The following ADAMTSL3 variants were observed in gnomAD, a reference collection of about 807,000 sequenced individuals.
ADAMTSL3 encodes the protein ADAMTS-like protein 3.
In ADAMTSL3, 128 loss-of-function variants were observed where a neutral mutation model predicts 201.7. That is an observed-to-expected ratio of 0.63 (90% CI 0.55 to 0.73). ADAMTSL3 has a LOEUF of 0.73. Among genes scored for constraint, ADAMTSL3 ranks in the 30% least tolerant of loss-of-function variants. The pLI, the probability that ADAMTSL3 is intolerant of heterozygous loss-of-function variation, is 0.00. For synonymous variants in ADAMTSL3, 738 were observed against 748.4 expected, an observed-to-expected ratio of 0.99 and a Z score of 0.23; for missense variants, 1,990 against 2,119.6, an observed-to-expected ratio of 0.94 and a Z score of 1.20.
chr15:83,976,906 C>T (rs1401613851), intron 20 of ADAMTSL3, among the ~76,000 whole-genome samples: 3 of 152,000 alleles, frequency 2.0e-5, no homozygotes, highest in Non-Finnish European at 2.9e-5. Flanking sequence ...GAAGTTGACG[C>T]CATTAACTTG....
intron 6 of ADAMTSL3, among the ~76,000 whole-genome samples, chr15:83,824,201 G>A (rs572306396): frequency 2.9e-4 from 44 of 151,772 alleles, no homozygotes; most frequent in East Asian, 3.9e-4. Flanking sequence ...GTGCCATCAC[G>A]CTCAGCCAGT....
At chr15:84,000,085 A>G (rs2067765679) in intron 23 of ADAMTSL3, among the ~76,000 whole-genome samples, 1 of 151,430 alleles carries the variant, frequency 6.6e-6, no homozygotes. Flanking sequence ...CTATCTCTCC[A>G]GAAAAATGTA....
At chr15:83,911,372 A>G (rs990215817) in intron 15 of ADAMTSL3, among the ~76,000 whole-genome samples, 2 of 152,236 alleles carry the variant, frequency 1.3e-5, no homozygotes, top group African/African-American at 4.8e-5. Flanking sequence ...TATTTATTTC[A>G]TTTAACAGTC....
intron 5 of ADAMTSL3, among the ~76,000 whole-genome samples, chr15:83,816,595 CAA>C (rs2063775724): frequency 6.6e-6 from 1 of 152,142 alleles, no homozygotes; most frequent in Admixed American, 6.5e-5. Context: ...TGGTTGGTTT[CAA>C]AGAGTGAGAT....
intron 2 of ADAMTSL3, among the ~76,000 whole-genome samples, chr15:83,688,165 G>A (rs183735428): frequency 6.6e-6 from 1 of 152,318 alleles, no homozygotes; most frequent in Admixed American, 6.5e-5. Flanking sequence ...CTCAAAGGGT[G>A]CACTCTCTGG....
intron 2 of ADAMTSL3, among the ~76,000 whole-genome samples, chr15:83,660,375 G>T (rs2061146129): frequency 6.6e-6 from 1 of 152,072 alleles, no homozygotes; most frequent in African/African-American, 2.4e-5. Context: ...GGTAGTCCTG[G>T]GTCAGGGTTC....
intron 2 of ADAMTSL3, among the ~76,000 whole-genome samples, chr15:83,671,265 C>G (rs1388722557): frequency 6.6e-6 from 1 of 152,134 alleles, no homozygotes; most frequent in Non-Finnish European, 1.5e-5. Context: ...TTGGAAAGAA[C>G]TTGCCAATAA....
chr15:83,972,970 A>G (rs1053874846), intron 20 of ADAMTSL3, among the ~76,000 whole-genome samples: 1 of 152,144 alleles, frequency 6.6e-6, no homozygotes, highest in Admixed American at 6.5e-5. Context: ...CTTAGCACGT[A>G]GATTGCCCCG....
intron 19 of ADAMTSL3, among the ~76,000 whole-genome samples, chr15:83,951,004 T>C (rs1404147619): frequency 3.7e-5 from 5 of 135,412 alleles, no homozygotes; most frequent in African/African-American, 1.5e-4. Flanking sequence ...TTTTCTTTTC[T>C]TTTTTTTTTT....
chr15:83,873,479 A>T (rs2065119235), intron 9 of ADAMTSL3, among the ~76,000 whole-genome samples: 1 of 144,494 alleles, frequency 6.9e-6, no homozygotes, highest in Non-Finnish European at 1.5e-5. Flanking sequence ...ACAGGCTGCA[A>T]GTAATCCTCT....
intron 2 of ADAMTSL3, among the ~76,000 whole-genome samples, chr15:83,668,974 G>A (rs950833170): frequency 2.6e-5 from 4 of 152,064 alleles, no homozygotes; most frequent in African/African-American, 9.7e-5. Flanking sequence ...ACATCCCACT[G>A]GCCAAAGCAG....
At chr15:83,780,823 G>T (rs949568265) in intron 4 of ADAMTSL3, among the ~76,000 whole-genome samples, 1 of 152,102 alleles carries the variant, frequency 6.6e-6, no homozygotes, top group African/African-American at 2.4e-5. Flanking sequence ...AGTCAAGCCA[G>T]GAGCCAAATC....
chr15:83,662,650 A>C (rs936047348), intron 2 of ADAMTSL3, among the ~76,000 whole-genome samples: 9 of 152,162 alleles, frequency 5.9e-5, no homozygotes, highest in Non-Finnish European at 1.2e-4. Flanking sequence ...AACTTGATTT[A>C]AATCTCATCT....
chr15:83,816,355 T>A (rs2063770789), intron 5 of ADAMTSL3, among the ~76,000 whole-genome samples: 1 of 152,236 alleles, frequency 6.6e-6, no homozygotes, highest in Non-Finnish European at 1.5e-5. Flanking sequence ...CTCTGGATAG[T>A]CAGCTGTGGC....
chr15:83,784,205 A>G (rs12438282), intron 4 of ADAMTSL3, among the ~76,000 whole-genome samples: 63,629 of 151,922 alleles, frequency 0.42, 14,495 homozygotes, highest in South Asian at 0.63. Context: ...AGTGTTTTAC[A>G]GGGACCCTCA....
chr15:83,721,899 A>C (rs1014415068), intron 3 of ADAMTSL3, among the ~76,000 whole-genome samples: 12 of 151,890 alleles, frequency 7.9e-5, no homozygotes, highest in African/African-American at 2.9e-4. Flanking sequence ...TGCCCAGCTA[A>C]TTTTTTTATT....
At chr15:83,871,860 G>A (rs893611516) in intron 9 of ADAMTSL3, among the ~76,000 whole-genome samples, 2 of 152,148 alleles carry the variant, frequency 1.3e-5, no homozygotes, top group South Asian at 2.1e-4. Context: ...GTAAATGGAA[G>A]CTAGGAAATA....
chr15:83,826,862 A>G (rs191967085), intron 6 of ADAMTSL3, among the ~76,000 whole-genome samples: 3 of 152,186 alleles, frequency 2.0e-5, no homozygotes, highest in East Asian at 3.9e-4. Flanking sequence ...ATGGCTGCAT[A>G]GTATTCCATG....
At chr15:83,796,610 T>C (rs1395348533) in intron 4 of ADAMTSL3, among the ~76,000 whole-genome samples, 3 of 152,194 alleles carry the variant, frequency 2.0e-5, no homozygotes, top group Non-Finnish European at 2.9e-5. Context: ...AAGTATCATA[T>C]AGGAGTGCAA....
Sources: gnomAD v4.1 joint callset for allele counts (sites outside exome capture counted in the v4.1 genomes callset) on GRCh38, gnomAD v4.1.1 for gene constraint, MANE v1.5 for transcripts, NCBI Gene and HGNC (gene_info 2026-07-23, HGNC 2026-07-21) for gene names.